The following CDH18 variants were observed in gnomAD, a reference collection of about 807,000 sequenced individuals.
The protein encoded by CDH18 is cadherin-18.
A neutral mutation model predicts 67.9 loss-of-function variants in CDH18; 31 were observed. The observed-to-expected ratio is 0.46, with a 90% confidence interval of 0.34 to 0.62. CDH18 has a LOEUF of 0.62. Among genes scored for constraint, CDH18 ranks in the 20% least tolerant of loss-of-function variants. CDH18 has a pLI of 0.01. For synonymous variants in CDH18, 362 were observed against 347.2 expected, an observed-to-expected ratio of 1.04 and a Z score of -0.48; for missense variants, 890 against 975.5, an observed-to-expected ratio of 0.91 and a Z score of 1.17.
chr5:20,331,448 G>A (rs1222239715), intron 1 of CDH18: 1 of 152,102 alleles, frequency 6.6e-6, no homozygotes, highest in Non-Finnish European at 1.5e-5. Flanking sequence ...ACACTGATAT[G>A]ATCACTGAAT....
At chr5:19,537,342 T>C (rs1036891594) in intron 9 of CDH18, among the ~76,000 whole-genome samples, 4 of 152,092 alleles carry the variant, frequency 2.6e-5, no homozygotes, top group African/African-American at 9.7e-5. Context: ...GTGAGCCAAT[T>C]TTTTATAATA....
chr5:19,543,794 C>T (rs960698522), intron 9 of CDH18, 75 bp downstream of exon 9: 2 of 1,040,320 alleles, frequency 1.9e-6, no homozygotes, highest in East Asian at 4.9e-5. Context: ...TTATGAGAGC[C>T]CTGCTCTTAA....
chr5:19,536,911 T>C (rs1182030569), intron 9 of CDH18, among the ~76,000 whole-genome samples: 1 of 152,088 alleles, frequency 6.6e-6, no homozygotes, highest in African/African-American at 2.4e-5. Context: ...GCACTCGAGG[T>C]GATTCAAAAA....
In CDH18 at chr5:19,665,686, T is replaced by C. The variant is rs1029420875; in HGVS notation, c.644-53085A>G. 2.0e-5 allele frequency among the ~76,000 whole-genome samples: 3 copies of C among 152,186 alleles called. 1 individual carries two copies. The highest frequency in any genetic ancestry group is 4.4e-5 in the Non-Finnish European group (3 of 67,990). Reference sequence around the variant, plus strand: ...CAGGGTATTAACATAAAAAAGGGCATTCTTCTGGAAATGAAAATCATTTCT... The same window carrying C: ...CAGGGTATTAACATAAAAAAGGGCACTCTTCTGGAAATGAAAATCATTTCT... On this transcript the variant is annotated intron_variant, in intron 5 of 12. Transcript: ENST00000382275.
rs191764877 is a variant in CDH18 at position 19,971,440 on chromosome 5, T to C, written c.-257+9620A>G. Among the ~76,000 whole-genome samples the C allele has an allele frequency of 1.2e-3, 177 of 152,104 alleles. 2 individuals carry two copies. Among genetic ancestry groups the C allele is most frequent in the Middle Eastern group, 3.4e-3 (1 of 292 alleles). On this transcript the variant is annotated intron_variant, in intron 2 of 12. Coordinates refer to ENST00000382275, the MANE Select transcript of CDH18 (RefSeq NM_004934.5). ...AAGTTTAAAATATATTACCAGAGCT[T>C]CACATATTAATTTAATGTATATATA...
intron 1 of CDH18, among the ~76,000 whole-genome samples, chr5:20,281,527 G>GCATTATTTC (rs1160570610): frequency 6.6e-6 from 1 of 152,054 alleles, no homozygotes; most frequent in African/African-American, 2.4e-5. Context: ...TAGATATGTG[G>GCATTATTTC]CATTATTTCT....
chr5:19,538,257 G>A (rs945348686), intron 9 of CDH18, among the ~76,000 whole-genome samples: 1 of 152,128 alleles, frequency 6.6e-6, no homozygotes, highest in Non-Finnish European at 1.5e-5. Flanking sequence ...AGAGAACCCA[G>A]TTGAGCCCAC....
chr5:19,569,393 C>T (rs1580261190), intron 8 of CDH18, among the ~76,000 whole-genome samples: 1 of 152,184 alleles, frequency 6.6e-6, no homozygotes, highest in East Asian at 1.9e-4. Flanking sequence ...GCACACCTCC[C>T]TCAGACCATT....
chr5:19,864,694 A>G (rs1189994066), intron 2 of CDH18, among the ~76,000 whole-genome samples: 1 of 152,014 alleles, frequency 6.6e-6, no homozygotes. Flanking sequence ...TTTATGCCAC[A>G]CCTCACATCC....
intron 6 of CDH18, among the ~76,000 whole-genome samples, chr5:19,591,928 C>T (rs912017843): frequency 1.3e-5 from 2 of 151,904 alleles, no homozygotes; most frequent in African/African-American, 4.8e-5. Flanking sequence ...AATTAAACAG[C>T]ATTTGTGAAT....
At chr5:20,371,048 G>A (rs1329583418) in intron 1 of CDH18, among the ~76,000 whole-genome samples, 8 of 147,748 alleles carry the variant, frequency 5.4e-5, no homozygotes, top group East Asian at 2.1e-4. Context: ...AAAAAAAAAA[G>A]ACTGTGGCAT....
chr5:19,522,407 A>G (rs766842865), intron 9 of CDH18, among the ~76,000 whole-genome samples: 4 of 152,134 alleles, frequency 2.6e-5, no homozygotes, highest in African/African-American at 9.6e-5. Flanking sequence ...AAAAGATATA[A>G]AGATATTAAG....
chr5:19,949,279 T>G (rs934448333), intron 2 of CDH18, among the ~76,000 whole-genome samples: 1 of 152,100 alleles, frequency 6.6e-6, no homozygotes, highest in African/African-American at 2.4e-5. Flanking sequence ...ATATGTGTAT[T>G]TTTTCTTTTC....
At chr5:19,896,019 A>AAG (rs1434285265) in intron 2 of CDH18, among the ~76,000 whole-genome samples, 1 of 151,290 alleles carries the variant, frequency 6.6e-6, no homozygotes, top group African/African-American at 2.4e-5. Flanking sequence ...TATTTGGGGA[A>AAG]AAAAAAATGG....
intron 5 of CDH18, among the ~76,000 whole-genome samples, chr5:19,623,855 C>A (rs1751082735): frequency 1.0e-5 from 1 of 96,882 alleles, no homozygotes; most frequent in Admixed American, 1.1e-4. Flanking sequence ...CCATAAGTAA[C>A]TGAACATTGA....
At chr5:19,755,510 C>CAT (rs201023882) in intron 3 of CDH18, among the ~76,000 whole-genome samples, 11,551 of 111,162 alleles carry the variant, frequency 0.1, 750 homozygotes, top group Admixed American at 0.22. Context: ...TACACACACA[C>CAT]ATATATATAT....
chr5:20,293,273 C>G (rs2007239), intron 1 of CDH18, among the ~76,000 whole-genome samples: 18,444 of 151,946 alleles, frequency 0.12, 1,657 homozygotes, highest in African/African-American at 0.24. Flanking sequence ...GCTGAGATCA[C>G]GCCATTGCAC....
At chr5:19,676,538 G>C (rs777301166) in intron 5 of CDH18, among the ~76,000 whole-genome samples, 36 of 151,976 alleles carry the variant, frequency 2.4e-4, no homozygotes, top group Non-Finnish European at 4.6e-4. Flanking sequence ...ATCCACAGCT[G>C]TTAATATTAA....
intron 2 of CDH18, among the ~76,000 whole-genome samples, chr5:20,143,897 G>C (rs1750434115): frequency 6.6e-6 from 1 of 152,170 alleles, no homozygotes. Context: ...TATAATGCAA[G>C]GATCCAATCA....
Sources: gnomAD v4.1 joint callset for allele counts (sites outside exome capture counted in the v4.1 genomes callset) on GRCh38, gnomAD v4.1.1 for gene constraint, MANE v1.5 for transcripts, NCBI Gene and HGNC (gene_info 2026-07-23, HGNC 2026-07-21) for gene names.